Variants in ZNF653 observed in about 807,000 individuals in gnomAD.
ZNF653 encodes the protein zinc finger protein 653.
A neutral mutation model predicts 59.9 loss-of-function variants in ZNF653; 37 were observed. The ratio of observed to expected loss-of-function variants is 0.62; its 90% confidence interval spans 0.48 to 0.81. The LOEUF (loss-of-function observed/expected upper bound fraction) is 0.81, where lower values mean the gene tolerates loss of function less well. Among genes scored for constraint, ZNF653 ranks in the 40% least tolerant of loss-of-function variants. The probability of loss-of-function intolerance (pLI) is 0.00; values close to 1 mark genes in which losing one functional copy is unlikely to be tolerated. For synonymous variants in ZNF653, 435 were observed against 371.8 expected, an observed-to-expected ratio of 1.17 and a Z score of -1.96; for missense variants, 808 against 881.1, an observed-to-expected ratio of 0.92 and a Z score of 1.05.
At chr19:11,501,889 G>A (rs998645040) in intron 1 of ZNF653, among the ~76,000 whole-genome samples, 2 of 152,064 alleles carry the variant, frequency 1.3e-5, no homozygotes, top group Non-Finnish European at 2.9e-5. Context: ...CTGCCTCCTG[G>A]GTTCAAGTGA....
rs1971460133 is a variant in ZNF653, at chr19:11,485,831, G to A, written c.1456-61C>T. The A allele has an allele frequency of 6.6e-5, 91 of 1,370,120 alleles. No individual in the cohort carries two copies. In the South Asian group the frequency reaches 1.1e-3, roughly 16 times the overall value. 84.9% of individuals were successfully genotyped at this position (1,370,120 alleles called of 1,614,324 possible). On this transcript the variant is annotated intron_variant, in intron 6 of 8. Coordinates refer to ENST00000293771, the MANE Select transcript of ZNF653 (RefSeq NM_138783.4). The stretch of plus-strand genomic sequence containing the variant: ...CCCACAGAAGGGGCTCTGGGAGGTG[G>A]GGAGAGATGAGGGCAGCTGGAAGGC...
intron 7 of ZNF653, among the ~76,000 whole-genome samples, chr19:11,484,478 C>G (rs925555968): frequency 2.0e-5 from 3 of 152,018 alleles, no homozygotes; most frequent in African/African-American, 7.2e-5. Context: ...CTCGGCTTAC[C>G]GCAACCACAA....
intron 1 of ZNF653, chr19:11,504,437 A>C (rs931008429): frequency 1.2e-4 from 90 of 758,916 alleles, no homozygotes; most frequent in Non-Finnish European, 1.3e-4. Context: ...GAACAAAAAA[A>C]CCCCCCAGAC....
Position 11,505,758 on chromosome 19 carries a change from G to A in ZNF653, c.29C>T (p.Ala10Val), listed in dbSNP as rs949942571. Residue 10 changes from alanine (A) to valine (V), a missense_variant, in exon 1 of 9, where the codon GCG becomes GTG. By Grantham distance (64) the Ala-to-Val change is moderately conservative (BLOSUM62 0). Coordinates refer to ENST00000293771, the MANE Select transcript of ZNF653 (RefSeq NM_138783.4). Reference sequence around the variant, plus strand: ...CGCGCCCGCCTCAGCCTCCGCCTCCGCCTCGGGCTCTAGCGCCCGCTCCGC... The same window carrying A: ...CGCGCCCGCCTCAGCCTCCGCCTCCACCTCGGGCTCTAGCGCCCGCTCCGC... MAERALEPE[A>V]EAEAEAGAGG... 6.5e-6 allele frequency: 9 copies of A among 1,382,736 alleles called. No homozygotes were observed. The highest frequency in any genetic ancestry group is 3.3e-5 in the African/African-American group (2 of 60,638). 85.7% of individuals were successfully genotyped at this position (1,382,736 alleles called of 1,614,324 possible). A position where few individuals can be genotyped will look rare whatever the true frequency, so the allele number is the denominator to read the frequency against.
chr19:11,496,532 G>A (rs1374364873), intron 2 of ZNF653, among the ~76,000 whole-genome samples: 8 of 152,068 alleles, frequency 5.3e-5, no homozygotes, highest in Admixed American at 5.2e-4. Context: ...CCGCAAGGGG[G>A]CGCCTGTGAA....
At chr19:11,490,684 C>T (rs965459696) in intron 3 of ZNF653, among the ~76,000 whole-genome samples, 27 of 152,036 alleles carry the variant, frequency 1.8e-4, no homozygotes, top group African/African-American at 4.4e-4. Flanking sequence ...TGAGCCACCG[C>T]GACTGGCCAA....
intron 7 of ZNF653, 143 bp downstream of exon 7, chr19:11,485,513 G>A: frequency 1.6e-6 from 1 of 616,474 alleles, no homozygotes. Context: ...ACAGCTTACT[G>A]AGGACAGGGA....
rs142605627 is a variant in ZNF653, at chr19:11,493,832, A to T, written c.559+2118T>A. ...CCAGGAGTTTGAGACCAGCCTGGGC[A>T]ACACAGTGAGATCCCATCTCTACAA... On this transcript the variant is annotated intron_variant, in intron 3 of 8. Coordinates refer to ENST00000293771, the MANE Select transcript of ZNF653 (RefSeq NM_138783.4). 4.9e-3 allele frequency among the ~76,000 whole-genome samples: 750 copies of T among 152,156 alleles called. 2 individuals carry two copies. Among genetic ancestry groups the T allele is most frequent in the Non-Finnish European group, 7.5e-3 (513 of 67,984 alleles).
At chr19:11,491,402 G>A (rs146233349) in intron 3 of ZNF653, among the ~76,000 whole-genome samples, 5 of 152,314 alleles carry the variant, frequency 3.3e-5, no homozygotes, top group Non-Finnish European at 7.4e-5. Context: ...AAGGCAGTCT[G>A]CAGGATGGAA....
Position 11,487,147 on chromosome 19 carries a change from G to A in ZNF653, c.1183C>T (p.Leu395=). Residue 395 remains leucine (L), a synonymous_variant, in exon 5 of 9, where the codon CTG becomes TTG. Coordinates refer to ENST00000293771, the MANE Select transcript of ZNF653 (RefSeq NM_138783.4). This position sits in a 1 kb window ranked among gnomAD's most constrained non-coding sequence, Gnocchi z 5.1. ...TTCTCCTCCTTCTTTAGCAAGCACA[G>A]GTCCTCCTTCTCTACAGGGTGGACA... ...GIETKKEKED[L]CLLKKEEKEE... is the part of the protein sequence containing the mutation. 1 of 1,611,438 alleles carries A rather than the reference G, an allele frequency of 6.2e-7. No homozygotes were observed. Among genetic ancestry groups the A allele is most frequent in the Admixed American group, 1.7e-5 (1 of 60,020 alleles).
chr19:11,486,077 A>G (rs770771433), intron 6 of ZNF653, among the ~76,000 whole-genome samples: 115 of 152,126 alleles, frequency 7.6e-4, no homozygotes, highest in African/African-American at 2.6e-3. Flanking sequence ...CAGCCTCCTG[A>G]GTAGCTGGGA....
chr19:11,483,508 G>A lies in ZNF653; in HGVS notation c.*174C>T. 7.1e-7 allele frequency: 1 copy of A among 1,401,652 alleles called. No homozygotes were observed. Among genetic ancestry groups the A allele is most frequent in the Non-Finnish European group, 9.3e-7 (1 of 1,078,500 alleles). The allele number at this position is 1,401,652 out of a possible 1,614,324, so 86.8% of individuals were successfully genotyped here. On this transcript the variant is annotated 3_prime_UTR_variant, in exon 9 of 9. Coordinates refer to ENST00000293771, the MANE Select transcript of ZNF653 (RefSeq NM_138783.4). ...AGCCCCAGGCACCAGCTCCGAGAAG[G>A]ATGCGGTGGGGCGGGGTGGGGAACC...
At chr19:11,492,893 A>G (rs1335429324) in intron 3 of ZNF653, among the ~76,000 whole-genome samples, 1 of 151,880 alleles carries the variant, frequency 6.6e-6, no homozygotes, top group Non-Finnish European at 1.5e-5. Flanking sequence ...GTACAGGCAC[A>G]CACCACCACA....
At chr19:11,483,902 C>T (rs1028645847) in intron 8 of ZNF653, 43 bp from the exon 9 acceptor site, 9 of 242,284 alleles carry the variant, frequency 3.7e-5, no homozygotes, top group Non-Finnish European at 6.2e-5. Flanking sequence ...TCAGAGTGGG[C>T]GGGGCGGGGC....
chr19:11,501,816 A>G (rs1971647789), intron 1 of ZNF653, among the ~76,000 whole-genome samples: 2 of 151,936 alleles, frequency 1.3e-5, no homozygotes, highest in South Asian at 4.1e-4. Context: ...TTCTTTTGAG[A>G]TAGAGCCTCG....
chr19:11,494,562 T>G (rs1380160594), intron 3 of ZNF653, among the ~76,000 whole-genome samples: 1 of 149,410 alleles, frequency 6.7e-6, no homozygotes, highest in African/African-American at 2.5e-5. Context: ...TGGTGGCAGA[T>G]GCCTGTAATC....
At position 11,500,508 on chromosome 19, in the gene ZNF653, AT is replaced by A. The variant is rs552853114; in HGVS notation, c.300-2170del. 2.5e-4 allele frequency among the ~76,000 whole-genome samples: 38 copies of A among 152,084 alleles called. No homozygotes were observed. In the South Asian group the frequency reaches 3.9e-3, roughly 16 times the overall value. ...TGCCATCAGCCCAGCTAATTTTTCT[AT>A]TTTTAGTAGAGACAGGATTTCGCTA... On this transcript the variant is annotated intron_variant, in intron 1 of 8. Transcript: ENST00000293771.
chr19:11,501,024 C>T (rs1181598239), intron 1 of ZNF653, among the ~76,000 whole-genome samples: 1 of 152,142 alleles, frequency 6.6e-6, no homozygotes, highest in Non-Finnish European at 1.5e-5. Context: ...ACCACAGCTC[C>T]GGGGCTACTC....
chr19:11,491,644 G>A (rs1220363500), intron 3 of ZNF653, among the ~76,000 whole-genome samples: 2 of 151,444 alleles, frequency 1.3e-5, no homozygotes, highest in Admixed American at 1.3e-4. Context: ...CTGGAGTGCA[G>A]TGGCACGATC....
Sources: gnomAD v4.1 joint callset for allele counts (sites outside exome capture counted in the v4.1 genomes callset) on GRCh38, gnomAD v4.1.1 for gene constraint, Gnocchi (gnomAD v3.1) non-coding constraint, MANE v1.5 for transcripts, NCBI Gene and HGNC (gene_info 2026-07-23, HGNC 2026-07-21) for gene names.